The following ADAMTS12 variants were observed in gnomAD, a reference collection of about 807,000 sequenced individuals.
ADAMTS12 encodes the protein ADAM metallopeptidase with thrombospondin type 1 motif 12.
In ADAMTS12, 118 loss-of-function variants were observed where a neutral mutation model predicts 167.8. The observed-to-expected ratio is 0.70, with a 90% CI of 0.61 to 0.82. The LOEUF (loss-of-function observed/expected upper bound fraction) is 0.82. Ranked by LOEUF, ADAMTS12 falls within the 40% of genes least tolerant of loss-of-function variation. The pLI, the probability that ADAMTS12 is intolerant of heterozygous loss-of-function variation, is 0.00. For missense variants in ADAMTS12, 1,916 were observed against 1,998.8 expected (o/e 0.96, Z 0.79); for synonymous variants, 704 against 716.9 (o/e 0.98, Z 0.29).
At chr5:33,760,920 T>TGTGTGC (rs1323504319) in intron 2 of ADAMTS12, among the ~76,000 whole-genome samples, 2,014 of 146,252 alleles carry the variant, frequency 0.014, 46 homozygotes, top group African/African-American at 0.047. Context: ...TGTGTGTGTG[T>TGTGTGC]GCGTATGCGC....
At chr5:33,649,009 C>T (rs1292675588) in intron 8 of ADAMTS12, 43 bp from the exon 9 acceptor site, 1 of 1,602,968 alleles carries the variant, frequency 6.2e-7, no homozygotes, top group Non-Finnish European at 8.5e-7. Flanking sequence ...GTTTAGGATT[C>T]CCTTTACCTT....
intron 3 of ADAMTS12, among the ~76,000 whole-genome samples, chr5:33,714,766 G>T (rs1743537448): frequency 6.6e-6 from 1 of 152,076 alleles, no homozygotes; most frequent in South Asian, 2.1e-4. Flanking sequence ...GAAGTAAAGA[G>T]TAGAATGATA....
intron 3 of ADAMTS12, among the ~76,000 whole-genome samples, chr5:33,730,459 G>A (rs1373729532): frequency 6.6e-6 from 1 of 152,038 alleles, no homozygotes; most frequent in South Asian, 2.1e-4. Flanking sequence ...TTCTCCTCTT[G>A]TATGTGTTCC....
At chr5:33,649,459 G>T in intron 8 of ADAMTS12, 95 bp downstream of exon 8, 1 of 1,470,328 alleles carries the variant, frequency 6.8e-7, no homozygotes. Flanking sequence ...ATGGAATCCA[G>T]CCTTTTCCAG....
intron 18 of ADAMTS12, among the ~76,000 whole-genome samples, chr5:33,584,185 T>A (rs1747215680): frequency 6.6e-6 from 1 of 152,220 alleles, no homozygotes; most frequent in African/African-American, 2.4e-5. Flanking sequence ...TGGGGCTAAA[T>A]AAGTCATGGT....
intron 13 of ADAMTS12, among the ~76,000 whole-genome samples, chr5:33,627,129 ATGTGGTGG>A (rs1353127502): frequency 9.4e-6 from 1 of 106,336 alleles, no homozygotes; most frequent in Non-Finnish European, 2.0e-5. Context: ...GGTGGTGGTG[ATGTGGTGG>A]TGGTGGTGGT....
chr5:33,891,215 C>A (rs1580031090), intron 1 of ADAMTS12, among the ~76,000 whole-genome samples: 2 of 152,162 alleles, frequency 1.3e-5, no homozygotes, highest in East Asian at 3.8e-4. Flanking sequence ...AAGGACTATT[C>A]TTTCAAAAAT....
intron 5 of ADAMTS12, among the ~76,000 whole-genome samples, chr5:33,679,704 C>A (rs6887875): frequency 1.3e-5 from 2 of 152,164 alleles, no homozygotes; most frequent in Non-Finnish European, 2.9e-5. Context: ...TATTTTTGTG[C>A]TTTTGTGCAG....
intron 2 of ADAMTS12, among the ~76,000 whole-genome samples, chr5:33,855,518 T>C (rs1049548605): frequency 1.3e-5 from 2 of 152,234 alleles, no homozygotes; most frequent in African/African-American, 4.8e-5. Context: ...ACATTCTATT[T>C]GTTCTGGTGA....
At chr5:33,547,391 G>A (rs893568491) in intron 21 of ADAMTS12, among the ~76,000 whole-genome samples, 1 of 152,132 alleles carries the variant, frequency 6.6e-6, no homozygotes, top group African/African-American at 2.4e-5. Context: ...AGGTTGTCCT[G>A]AAGCATGATA....
intron 16 of ADAMTS12, 108 bp downstream of exon 16, chr5:33,614,130 C>A: frequency 7.0e-7 from 1 of 1,429,640 alleles, no homozygotes. Flanking sequence ...CTCAGTGGAG[C>A]CCTGCAGATC....
chr5:33,622,646 C>T (rs1579761074), intron 14 of ADAMTS12, among the ~76,000 whole-genome samples: 2 of 151,894 alleles, frequency 1.3e-5, no homozygotes, highest in South Asian at 2.1e-4. Context: ...GGCGAGACTC[C>T]GTCTCAAAAA....
intron 2 of ADAMTS12, among the ~76,000 whole-genome samples, chr5:33,867,496 C>A (rs564224560): frequency 4.6e-4 from 70 of 152,108 alleles, no homozygotes; most frequent in African/African-American, 1.6e-3. Context: ...ATAAAAAAAA[C>A]CACATATTGG....
At chr5:33,873,943 T>G (rs1214921070) in intron 2 of ADAMTS12, among the ~76,000 whole-genome samples, 1 of 152,008 alleles carries the variant, frequency 6.6e-6, no homozygotes, top group African/African-American at 2.4e-5. Flanking sequence ...GATGACAGAG[T>G]TAAATGTACA....
At chr5:33,781,371 A>G (rs535416938) in intron 2 of ADAMTS12, among the ~76,000 whole-genome samples, 1 of 152,286 alleles carries the variant, frequency 6.6e-6, no homozygotes, top group East Asian at 1.9e-4. Context: ...ATTAAAGTAC[A>G]TGAGAATCAC....
intron 2 of ADAMTS12, among the ~76,000 whole-genome samples, chr5:33,782,726 C>T (rs1191148900): frequency 9.2e-5 from 14 of 151,462 alleles, no homozygotes; most frequent in African/African-American, 9.7e-5. Context: ...ATAAATATAT[C>T]GAGAAGATAT....
intron 2 of ADAMTS12, among the ~76,000 whole-genome samples, chr5:33,787,645 A>C (rs1199696055): frequency 6.6e-6 from 1 of 152,140 alleles, no homozygotes; most frequent in Non-Finnish European, 1.5e-5. Flanking sequence ...CTTGAAGTCT[A>C]TGGGCTACCT....
intron 11 of ADAMTS12, among the ~76,000 whole-genome samples, chr5:33,639,852 C>A (rs371762203): frequency 6.6e-6 from 1 of 152,182 alleles, no homozygotes; most frequent in Admixed American, 6.5e-5. Flanking sequence ...CTCAATGTGG[C>A]CTGAGTAAGC....
chr5:33,639,054 C>T (rs1740329430), intron 11 of ADAMTS12, among the ~76,000 whole-genome samples: 1 of 152,122 alleles, frequency 6.6e-6, no homozygotes, highest in South Asian at 2.1e-4. Flanking sequence ...TTAGATGGAT[C>T]TGAATAAGTT....
Sources: gnomAD v4.1 joint callset for allele counts (sites outside exome capture counted in the v4.1 genomes callset) on GRCh38, gnomAD v4.1.1 for gene constraint, MANE v1.5 for transcripts, NCBI Gene and HGNC (gene_info 2026-07-23, HGNC 2026-07-21) for gene names.